Variants in CCDC148 observed in about 807,000 individuals in gnomAD.
CCDC148 encodes coiled-coil domain-containing protein 148.
In CCDC148, 89 loss-of-function variants were observed where a neutral mutation model predicts 85.7. That is an observed-to-expected ratio of 1.04 (90% CI 0.87 to 1.24). The LOEUF is 1.24. CCDC148 is among the 50% of genes most tolerant of loss of function. The pLI, the probability that CCDC148 is intolerant of heterozygous loss-of-function variation, is 0.00. For missense variants in CCDC148, 692 were observed against 671.7 expected (o/e 1.03, Z -0.33); for synonymous variants, 230 against 213.9 (o/e 1.08, Z -0.66).
At chr2:158,257,953 T>G (rs1472892604) in intron 9 of CCDC148, among the ~76,000 whole-genome samples, 1 of 151,822 alleles carries the variant, frequency 6.6e-6, no homozygotes, top group Admixed American at 6.6e-5. Flanking sequence ...ACAAAGAAAC[T>G]GGACTAAGGG....
At chr2:158,438,766 A>C (rs932905832) in intron 1 of CCDC148, among the ~76,000 whole-genome samples, 25 of 152,248 alleles carry the variant, frequency 1.6e-4, no homozygotes, top group Non-Finnish European at 3.1e-4. Flanking sequence ...AATGAACTCC[A>C]ACAAATTTAC....
At chr2:158,235,128 A>T (rs1688043567) in intron 10 of CCDC148, among the ~76,000 whole-genome samples, 1 of 152,218 alleles carries the variant, frequency 6.6e-6, no homozygotes, top group African/African-American at 2.4e-5. Context: ...AACTTTAAAT[A>T]AAAGTTAAAA....
rs77651892 is a variant in CCDC148, at chr2:158,394,873, T to C, written c.26-36303A>G. On this transcript the variant is annotated intron_variant, in intron 1 of 13. Transcript: ENST00000283233. ...CCTCCAACGCCAAAACTCTATTGTT[T>C]GTTCTCCTTCTAAAATGAGTTATCT... Among the ~76,000 whole-genome samples, 87 of 152,218 alleles carry C rather than the reference T, an allele frequency of 5.7e-4. No individual in the cohort carries two copies. In the East Asian group the frequency reaches 0.016, roughly 29 times the overall value.
chr2:158,185,061 T>C (rs772004212), intron 11 of CCDC148, among the ~76,000 whole-genome samples: 1 of 152,204 alleles, frequency 6.6e-6, no homozygotes, highest in Non-Finnish European at 1.5e-5. Flanking sequence ...TCTGTTTGCC[T>C]GTGCTAAACA....
intron 1 of CCDC148, among the ~76,000 whole-genome samples, chr2:158,409,691 A>G (rs2543649): frequency 0.89 from 135,085 of 152,080 alleles, 60,754 homozygotes; most frequent in Non-Finnish European, 0.96. Flanking sequence ...AAGACTTTGG[A>G]GGACTGTTGG....
intron 11 of CCDC148, among the ~76,000 whole-genome samples, chr2:158,203,711 G>T (rs990872405): frequency 6.6e-6 from 1 of 151,840 alleles, no homozygotes; most frequent in Non-Finnish European, 1.5e-5. Context: ...AAAAGGAAAA[G>T]AAAAAAATTC....
intron 1 of CCDC148, among the ~76,000 whole-genome samples, chr2:158,433,788 T>C (rs764296543): frequency 1.5e-4 from 23 of 152,172 alleles, no homozygotes; most frequent in Non-Finnish European, 2.6e-4. Flanking sequence ...ACTGCGCTTT[T>C]CCAAGGGTCT....
At chr2:158,397,862 C>T (rs996461412) in intron 1 of CCDC148, among the ~76,000 whole-genome samples, 1 of 152,146 alleles carries the variant, frequency 6.6e-6, no homozygotes, top group African/African-American at 2.4e-5. Context: ...CAAGACCCAT[C>T]AGTGTGCTGT....
intron 1 of CCDC148, among the ~76,000 whole-genome samples, chr2:158,361,905 C>A (rs546091239): frequency 2.0e-5 from 3 of 150,174 alleles, no homozygotes; most frequent in East Asian, 4.0e-4. Flanking sequence ...CCCATCAGTG[C>A]GCTGTATTCA....
intron 1 of CCDC148, among the ~76,000 whole-genome samples, chr2:158,403,577 A>C (rs1023943033): frequency 3.9e-5 from 6 of 152,088 alleles, no homozygotes; most frequent in Non-Finnish European, 8.8e-5. Context: ...TTCCAAAGTG[A>C]AACAGTGATC....
intron 10 of CCDC148, among the ~76,000 whole-genome samples, chr2:158,226,441 C>T (rs1417591713): frequency 3.9e-5 from 6 of 152,146 alleles, no homozygotes; most frequent in East Asian, 3.9e-4. Flanking sequence ...GGGAATCCTC[C>T]CTAACTCATT....
At chr2:158,273,532 C>G (rs957031621) in intron 9 of CCDC148, among the ~76,000 whole-genome samples, 20 of 152,096 alleles carry the variant, frequency 1.3e-4, no homozygotes, top group Non-Finnish European at 5.9e-5. Context: ...GGAAGATCTG[C>G]CATCTCCTAC....
At position 158,178,993 on chromosome 2, in the gene CCDC148, A is replaced by G; in HGVS notation, c.1374T>C (p.Val458=). The change falls in exon 12 of 14, where the codon GTT becomes GTC. Residue 458 remains valine, a synonymous_variant. Transcript: ENST00000283233. The stretch of plus-strand genomic sequence containing the variant: ...TTTCCAATAATTCTTGTCTATATTT[A>G]ACCCTTTAAAAATAACACAGAAGGA... ...AEQSLKDRER[V]KYRQELLERR... is the part of the protein sequence containing the mutation. 6.2e-7 allele frequency: 1 copy of G among 1,608,432 alleles called. No homozygotes were observed. The highest frequency in any genetic ancestry group is 8.5e-7 in the Non-Finnish European group (1 of 1,175,722).
chr2:158,361,891 A>C (rs1683963502), intron 1 of CCDC148, among the ~76,000 whole-genome samples: 1 of 152,126 alleles, frequency 6.6e-6, no homozygotes, highest in South Asian at 2.1e-4. Context: ...ATAAAGAGTC[A>C]AGACCCATCA....
At chr2:158,252,653 A>G (rs1251152441) in intron 9 of CCDC148, among the ~76,000 whole-genome samples, 4 of 151,638 alleles carry the variant, frequency 2.6e-5, no homozygotes, top group African/African-American at 9.7e-5. Context: ...TTCTCTACCA[A>G]CAGATACTGC....
chr2:158,382,405 C>T (rs7571739), intron 1 of CCDC148, among the ~76,000 whole-genome samples: 8,784 of 152,016 alleles, frequency 0.058, 484 homozygotes, highest in African/African-American at 0.15. Context: ...ATACTAGTGC[C>T]GACTTATGTC....
At chr2:158,338,630 T>C (rs769594233) in intron 7 of CCDC148, 96 bp downstream of exon 7, 17 of 788,800 alleles carry the variant, frequency 2.2e-5, no homozygotes, top group Admixed American at 9.5e-5. Context: ...TCCAGTTACA[T>C]AGTAACTATA....
intron 1 of CCDC148, 68 bp downstream of exon 1, chr2:158,456,347 A>T: frequency 1.3e-6 from 2 of 1,521,942 alleles, no homozygotes; most frequent in Non-Finnish European, 1.8e-6. Flanking sequence ...AACAAACATA[A>T]GTAGGATTTA....
At chr2:158,293,225 G>T (rs59213635) in intron 9 of CCDC148, among the ~76,000 whole-genome samples, 5 of 152,060 alleles carry the variant, frequency 3.3e-5, no homozygotes. Context: ...TATGGGGGGT[G>T]GGGGAGAAGC....
Sources: allele counts gnomAD v4.1 joint callset (sites outside exome capture counted in the v4.1 genomes callset), GRCh38; gene constraint gnomAD v4.1.1; transcripts MANE v1.5; gene names NCBI Gene and HGNC (gene_info 2026-07-23, HGNC 2026-07-21).